Variants in TMEM117 observed in about 807,000 individuals in gnomAD.
The protein encoded by TMEM117 is transmembrane protein 117.
TMEM117 carries 27 observed loss-of-function variants against 52.4 expected under a neutral mutation model. The ratio of observed to expected loss-of-function variants is 0.51; its 90% CI spans 0.38 to 0.71. The LOEUF is 0.71. Ranked by LOEUF, TMEM117 falls within the 30% of genes least tolerant of loss-of-function variation. TMEM117 has a pLI of 0.00. For synonymous variants in TMEM117, 215 were observed against 206.3 expected, an observed-to-expected ratio of 1.04 and a Z score of -0.36; for missense variants, 556 against 630.5, an observed-to-expected ratio of 0.88 and a Z score of 1.26.
chr12:43,936,244 G>A (rs73100960), intron 2 of TMEM117, among the ~76,000 whole-genome samples: 40 of 152,244 alleles, frequency 2.6e-4, no homozygotes, highest in Non-Finnish European at 5.3e-4. Flanking sequence ...CCTAAATTAT[G>A]AGAGAAGAGT....
chr12:44,321,157 A>G (rs1418270470), intron 6 of TMEM117, among the ~76,000 whole-genome samples: 1 of 152,218 alleles, frequency 6.6e-6, no homozygotes, highest in South Asian at 2.1e-4. Context: ...GCCTGTTGAC[A>G]TTAGACAATT....
At chr12:43,976,905 A>G (rs1419900114) in intron 3 of TMEM117, among the ~76,000 whole-genome samples, 1 of 152,184 alleles carries the variant, frequency 6.6e-6, no homozygotes, top group East Asian at 1.9e-4. Flanking sequence ...ATAATCAGTA[A>G]CATTCTTTTC....
At chr12:43,865,554 G>A (rs962632107) in intron 2 of TMEM117, among the ~76,000 whole-genome samples, 2 of 151,980 alleles carry the variant, frequency 1.3e-5, no homozygotes, top group African/African-American at 2.4e-5. Context: ...AAAATTAGCC[G>A]GGCGTGGTGG....
chr12:44,386,678 T>C (rs1952092800), intron 7 of TMEM117, among the ~76,000 whole-genome samples: 1 of 152,126 alleles, frequency 6.6e-6, no homozygotes, highest in Non-Finnish European at 1.5e-5. Flanking sequence ...CATGAAATTC[T>C]GACAACTTTA....
intron 3 of TMEM117, among the ~76,000 whole-genome samples, chr12:44,099,219 C>T (rs1592514897): frequency 6.6e-6 from 1 of 152,120 alleles, no homozygotes; most frequent in African/African-American, 2.4e-5. Context: ...CTGTGCTTTG[C>T]AACCTCAGCC....
At chr12:43,815,791 C>T in the TMEM117 span, among the ~76,000 whole-genome samples, 1 of 152,214 alleles carries the variant, frequency 6.6e-6, no homozygotes, top group Admixed American at 6.5e-5. Flanking sequence ...TGTCAGCCAT[C>T]AGTGGCATCA....
chr12:44,209,893 G>C (rs1949622060), intron 4 of TMEM117, among the ~76,000 whole-genome samples: 1 of 152,062 alleles, frequency 6.6e-6, no homozygotes, highest in African/African-American at 2.4e-5. Flanking sequence ...GGATGACCCT[G>C]CTTGAGAATT....
intron 6 of TMEM117, among the ~76,000 whole-genome samples, chr12:44,368,772 C>A: frequency 6.6e-6 from 1 of 152,206 alleles, no homozygotes; most frequent in Middle Eastern, 3.4e-3. Flanking sequence ...TGAACTGTAG[C>A]CAGAGCCTGA....
intron 4 of TMEM117, among the ~76,000 whole-genome samples, chr12:44,179,848 C>T (rs1425855128): frequency 1.3e-5 from 2 of 152,152 alleles, no homozygotes; most frequent in Non-Finnish European, 2.9e-5. Context: ...TAACAAATAA[C>T]CCAAATATTT....
chr12:43,800,001 C>A, the TMEM117 span, among the ~76,000 whole-genome samples: 3 of 152,002 alleles, frequency 2.0e-5, no homozygotes, highest in Admixed American at 2.0e-4. Context: ...AAGACTGAGA[C>A]TCATGAAATT....
chr12:44,088,071 T>C (rs548364838), intron 3 of TMEM117, among the ~76,000 whole-genome samples: 2 of 152,190 alleles, frequency 1.3e-5, no homozygotes, highest in Non-Finnish European at 2.9e-5. Context: ...CATATGTCCC[T>C]TAGCCTCTGG....
chr12:43,805,948 C>A, the TMEM117 span: 1 of 1,538,070 alleles, frequency 6.5e-7, no homozygotes. Flanking sequence ...ACGCCCCCTT[C>A]AACCAGGCCG....
the TMEM117 span, among the ~76,000 whole-genome samples, chr12:43,808,134 T>G: frequency 6.6e-6 from 1 of 152,236 alleles, no homozygotes; most frequent in Non-Finnish European, 1.5e-5. Context: ...TGTATGCAGA[T>G]AAGAGGGTTT....
At chr12:44,067,781 C>A (rs2137973333) in intron 3 of TMEM117, among the ~76,000 whole-genome samples, 1 of 152,264 alleles carries the variant, frequency 6.6e-6, no homozygotes, top group South Asian at 2.1e-4. Context: ...TTGGTTTCAA[C>A]CCAAAGTCAC....
At chr12:43,968,311 G>A (rs1434330103) in intron 3 of TMEM117, among the ~76,000 whole-genome samples, 3 of 152,162 alleles carry the variant, frequency 2.0e-5, no homozygotes, top group Non-Finnish European at 4.4e-5. Context: ...TGTCAGTATG[G>A]TCTTTATTTG....
At chr12:44,273,803 G>T (rs551215228) in intron 5 of TMEM117, among the ~76,000 whole-genome samples, 192 of 152,032 alleles carry the variant, frequency 1.3e-3, no homozygotes, top group African/African-American at 3.7e-3. Flanking sequence ...AAAAAACTGG[G>T]TATAGAAGGA....
chr12:44,032,197 A>C (rs1375252024), intron 3 of TMEM117, among the ~76,000 whole-genome samples: 2 of 152,246 alleles, frequency 1.3e-5, no homozygotes, highest in African/African-American at 2.4e-5. Context: ...TATGTGAAAA[A>C]TAATTATTCT....
intron 6 of TMEM117, among the ~76,000 whole-genome samples, chr12:44,362,833 CTTT>C (rs11301034): frequency 6.8e-6 from 1 of 146,406 alleles, no homozygotes. Flanking sequence ...CTTTCCTTTT[CTTT>C]TTTTTTTTTA....
chr12:44,239,807 G>A (rs1374056758), intron 5 of TMEM117, among the ~76,000 whole-genome samples: 1 of 151,752 alleles, frequency 6.6e-6, no homozygotes, highest in African/African-American at 2.4e-5. Flanking sequence ...ACACTAAAGA[G>A]TGTTATAAAA....
Sources: allele counts gnomAD v4.1 joint callset (sites outside exome capture counted in the v4.1 genomes callset), GRCh38; gene constraint gnomAD v4.1.1; transcripts MANE v1.5; gene names NCBI Gene and HGNC (gene_info 2026-07-23, HGNC 2026-07-21).